D2HGDH: variants seen among roughly 807,000 people sequenced by gnomAD.
D2HGDH encodes D-2-hydroxyglutarate dehydrogenase, mitochondrial.
In D2HGDH, 31 loss-of-function variants were observed where a neutral mutation model predicts 46.9. The ratio of observed to expected loss-of-function variants is 0.66; its 90% CI spans 0.50 to 0.89. The LOEUF (loss-of-function observed/expected upper bound fraction) is 0.89. Among genes scored for constraint, D2HGDH ranks in the 40% least tolerant of loss-of-function variants. The probability of loss-of-function intolerance (pLI) is 0.00; values close to 1 mark genes in which losing one functional copy is unlikely to be tolerated. For missense variants in D2HGDH, 698 were observed against 720.8 expected, an observed-to-expected ratio of 0.97 and a Z score of 0.36; for synonymous variants, 364 against 332.6, an observed-to-expected ratio of 1.09 and a Z score of -1.03.
chr2:241,735,367 C>G lies in D2HGDH; in HGVS notation c.143C>G (p.Thr48Ser). Residue 48 changes from threonine to serine, a missense_variant, in exon 2 of 10, where the codon ACC (threonine) becomes AGC (serine). Coordinates refer to ENST00000321264, the MANE Select transcript of D2HGDH (RefSeq NM_152783.5). Reference protein sequence around the residue: ...SAPGTPEVPLTRERYPVRRLP... With the variant: ...SAPGTPEVPLSRERYPVRRLP... ...CCGGGGACCCCCGAGGTGCCGCTGA[C>G]CCGGGAGCGCTACCCCGTGCGGCGC... The G allele has an allele frequency of 6.4e-7, 1 of 1,573,700 alleles. No homozygotes were observed. The highest frequency in any genetic ancestry group is 8.6e-7 in the Non-Finnish European group (1 of 1,163,774).
intron 9 of D2HGDH, among the ~76,000 whole-genome samples, chr2:241,761,561 G>A (rs1448810881): frequency 2.0e-5 from 3 of 152,078 alleles, no homozygotes; most frequent in Admixed American, 6.6e-5. Flanking sequence ...TATACAGGAG[G>A]ATGTGTGTAG....
In D2HGDH at chr2:241,743,959, T is replaced by A; in HGVS notation, c.684+144T>A. 2 of 874,460 alleles carry A rather than the reference T, an allele frequency of 2.3e-6. No individual in the cohort carries two copies. The highest frequency in any genetic ancestry group is 2.5e-5 in the Admixed American group (1 of 40,300). The allele number at this position is 874,460 out of a possible 1,614,324, so 54.2% of individuals were successfully genotyped here. A position where few individuals can be genotyped will look rare whatever the true frequency, so the allele number is the denominator to read the frequency against. On this transcript the variant is annotated intron_variant, in intron 5 of 9. Transcript: ENST00000321264. The surrounding 1 kb of genome is among the most constrained non-coding windows in gnomAD (Gnocchi z 4.8). ...TGGCCCTGGGCCCCTCAAGGATGTGTGGGCTACATACACCCCCATCCTGAG... is the reference window on the plus strand; with the variant it reads ...TGGCCCTGGGCCCCTCAAGGATGTGAGGGCTACATACACCCCCATCCTGAG...
chr2:241,735,615 G>T, intron 2 of D2HGDH, 99 bp downstream of exon 2: 2 of 1,520,916 alleles, frequency 1.3e-6, no homozygotes, highest in East Asian at 2.3e-5. Context: ...CTGGATGGGG[G>T]TGCCAGCCCC....
Position 241,743,909 on chromosome 2 carries a change from C to T in D2HGDH, c.684+94C>T, listed in dbSNP as rs1486069181. The T allele has an allele frequency of 2.1e-6, 3 of 1,429,774 alleles. No homozygotes were observed. In the African/African-American group the frequency reaches 4.3e-5, roughly 20 times the overall value. 88.6% of individuals were successfully genotyped at this position (1,429,774 alleles called of 1,614,324 possible). ...CGTGGTGGCACAGGTGCATGGGGCC[C>T]CTCGGGGTGGGAGGTCTTGGTTCCT... On this transcript the variant is annotated intron_variant, in intron 5 of 9. Coordinates refer to ENST00000321264, the MANE Select transcript of D2HGDH (RefSeq NM_152783.5). This position sits in a 1 kb window ranked among gnomAD's most constrained non-coding sequence, Gnocchi z 4.8.
chr2:241,746,525 G>A (rs537917702), intron 6 of D2HGDH, among the ~76,000 whole-genome samples: 126 of 152,120 alleles, frequency 8.3e-4, no homozygotes, highest in South Asian at 2.3e-3. Context: ...AGGCCAAGGC[G>A]GGTGGGTCAT....
In D2HGDH at chr2:241,744,802, G is replaced by A. The variant is rs1396413694; in HGVS notation, c.778G>A (p.Gly260Ser). Residue 260 changes from glycine to serine, a missense_variant, in exon 6 of 10, where the codon GGC becomes AGC. Gly to Ser is a moderately conservative substitution (Grantham distance 56). Transcript: ENST00000321264. ...GAAGCAGCTGTTCATCGGGTCGGAG[G>A]GCACTTTGGGGATCATCACCACGGT... ...DLKQLFIGSE[G>S]TLGIITTVSI... The A allele has an allele frequency of 6.2e-7, 1 of 1,614,082 alleles. No individual in the cohort carries two copies. Among genetic ancestry groups the A allele is most frequent in the Non-Finnish European group, 8.5e-7 (1 of 1,180,044 alleles).
rs1699277602 is a variant in D2HGDH at position 241,767,808 on chromosome 2, C to T, written c.1405C>T (p.Gln469Ter). ...CGTGTACGAGTGGACGGCCGGGCAG[C>T]AGGGCAGCGTCAGCGCGGAGCACGG... ...PHVYEWTAGQ[Q>*]GSVSAEHGVG... The change falls in exon 10 of 10, where the codon CAG becomes TAG. Residue 469 changes from glutamine (Q) to a stop codon, truncating the protein, a stop_gained. Transcript: ENST00000321264. LOFTEE classifies it high-confidence loss of function. 1.2e-6 allele frequency: 2 copies of T among 1,612,066 alleles called. No homozygotes were observed. The highest frequency in any genetic ancestry group is 2.2e-5 in the South Asian group (2 of 91,042).
chr2:241,735,660 G>A, intron 2 of D2HGDH, 144 bp downstream of exon 2: 1 of 1,152,052 alleles, frequency 8.7e-7, no homozygotes, highest in Non-Finnish European at 1.2e-6. Context: ...CACCGCCACA[G>A]GCTGCTGGAA....
chr2:241,758,674 G>C (rs1340651545), intron 9 of D2HGDH, among the ~76,000 whole-genome samples: 1 of 152,068 alleles, frequency 6.6e-6, no homozygotes, highest in Admixed American at 6.6e-5. Context: ...ACTTCAGGAA[G>C]CCAAGGCTGG....
chr2:241,743,688 T>G lies in D2HGDH; in HGVS notation c.557T>G (p.Phe186Cys). The change falls in exon 5 of 10, where the codon TTC becomes TGC. Residue 186 changes from phenylalanine (F) to cysteine (C), a missense_variant. Coordinates refer to ENST00000321264, the MANE Select transcript of D2HGDH (RefSeq NM_152783.5). The surrounding 1 kb of genome is among the most constrained non-coding windows in gnomAD (Gnocchi z 4.8). ...AGCCGGTATGTGGAGGAACGGGACTTCATCATGCCGCTGGACTTAGGAGCC... is the reference window on the plus strand; with the variant it reads ...AGCCGGTATGTGGAGGAACGGGACTGCATCATGCCGCTGGACTTAGGAGCC... Reference protein sequence around the residue: ...ELSRYVEERDFIMPLDLGAKG... With the variant: ...ELSRYVEERDCIMPLDLGAKG... 6.2e-7 allele frequency: 1 copy of G among 1,614,014 alleles called. No individual in the cohort carries two copies. Among genetic ancestry groups the G allele is most frequent in the Non-Finnish European group, 8.5e-7 (1 of 1,179,992 alleles).
intron 1 of D2HGDH, 179 bp from the exon 2 acceptor site, chr2:241,734,954 A>C: frequency 4.9e-6 from 2 of 405,442 alleles, no homozygotes; most frequent in Non-Finnish European, 8.8e-6. Context: ...GCGCGTCGCT[A>C]AGTCCAGGCC....
intron 8 of D2HGDH, chr2:241,755,497 G>T (rs752963943): frequency 2.2e-6 from 3 of 1,339,840 alleles, no homozygotes; most frequent in Admixed American, 2.2e-5. Context: ...TCCCCCTTCC[G>T]TCATGGCTGT....
chr2:241,751,709 G>A (rs957260238), intron 8 of D2HGDH, among the ~76,000 whole-genome samples: 18 of 152,248 alleles, frequency 1.2e-4, no homozygotes, highest in Admixed American at 1.1e-3. Context: ...CGGCAGCTCC[G>A]CATAGAGTCG....
At position 241,744,816 on chromosome 2, in the gene D2HGDH, C is replaced by T; in HGVS notation, c.792C>T (p.Ile264=). ...TCGGGTCGGAGGGCACTTTGGGGAT[C>T]ATCACCACGGTGTCCATCTTGTGTC... ...LFIGSEGTLG[I]ITTVSILCPP... is the part of the protein sequence containing the mutation. The change falls in exon 6 of 10, where the codon ATC becomes ATT. Residue 264 remains isoleucine, a synonymous_variant. Transcript: ENST00000321264. The T allele has an allele frequency of 6.2e-7, 1 of 1,614,070 alleles. No individual in the cohort carries two copies. Among genetic ancestry groups the T allele is most frequent in the Non-Finnish European group, 8.5e-7 (1 of 1,180,002 alleles).
intron 9 of D2HGDH, among the ~76,000 whole-genome samples, chr2:241,764,859 G>A (rs943659903): frequency 1.3e-5 from 2 of 152,214 alleles, no homozygotes; most frequent in African/African-American, 4.8e-5. Context: ...GGTGGGGCGG[G>A]GTCCTCACTT....
chr2:241,755,016 A>T, intron 8 of D2HGDH: 1 of 1,279,242 alleles, frequency 7.8e-7, no homozygotes, highest in Non-Finnish European at 1.0e-6. Context: ...CCCACAGAGG[A>T]TGGCTCTGTC....
At chr2:241,761,864 A>G (rs1698854972) in intron 9 of D2HGDH, among the ~76,000 whole-genome samples, 1 of 151,992 alleles carries the variant, frequency 6.6e-6, no homozygotes. Context: ...TTGTCTGGAA[A>G]TGTACTGATT....
At chr2:241,736,305 C>T (rs1158332214) in intron 2 of D2HGDH, 2 of 152,298 alleles carry the variant, frequency 1.3e-5, no homozygotes, top group African/African-American at 2.4e-5. Flanking sequence ...GCATTCCAGC[C>T]TGGGCAACAG....
rs142983190 is a variant in D2HGDH, at chr2:241,755,192, C to T, written c.1141-657C>T. 1,884 of 1,296,408 alleles carry T rather than the reference C, an allele frequency of 1.5e-3. 27 individuals are homozygous for T. In the African/African-American group the frequency reaches 0.025, roughly 17 times the overall value. 80.3% of individuals were successfully genotyped at this position (1,296,408 alleles called of 1,614,324 possible). ...CCTTCCTCCCCCGTGGCCCGCCCGCCGTGTCCCTCCTCCTCCACGGCCCGC... is the reference window on the plus strand; with the variant it reads ...CCTTCCTCCCCCGTGGCCCGCCCGCTGTGTCCCTCCTCCTCCACGGCCCGC... On this transcript the variant is annotated intron_variant, in intron 8 of 9. Coordinates refer to ENST00000321264, the MANE Select transcript of D2HGDH (RefSeq NM_152783.5).
Sources: gnomAD v4.1 joint callset for allele counts (sites outside exome capture counted in the v4.1 genomes callset) on GRCh38, gnomAD v4.1.1 for gene constraint, Gnocchi (gnomAD v3.1) non-coding constraint, MANE v1.5 for transcripts, NCBI Gene and HGNC (gene_info 2026-07-23, HGNC 2026-07-21) for gene names.